Variants in CD96 observed in about 807,000 individuals in gnomAD.
CD96 encodes CD96 molecule.
CD96 carries 70 observed loss-of-function variants against 71.3 expected under a neutral mutation model. That is an observed-to-expected ratio of 0.98 (90% CI 0.81 to 1.20). CD96 has a LOEUF of 1.20. Ranked by LOEUF, CD96 falls within the 50% of genes most tolerant of loss-of-function variation. CD96 has a pLI of 0.00. For missense variants in CD96, 742 were observed against 677.5 expected (o/e 1.10, Z -1.06); for synonymous variants, 248 against 233.0 (o/e 1.06, Z -0.59).
chr3:111,653,577 T>C (rs1479618398), downstream of CD96, among the ~76,000 whole-genome samples: 2 of 152,200 alleles, frequency 1.3e-5, no homozygotes, highest in Non-Finnish European at 2.9e-5. Context: ...GTTTTAGAGG[T>C]CGTTTTACAA....
chr3:111,599,022 G>GC (rs1937377889), intron 6 of CD96, among the ~76,000 whole-genome samples: 1 of 152,090 alleles, frequency 6.6e-6, no homozygotes, highest in Non-Finnish European at 1.5e-5. Flanking sequence ...AAGCTGGAGT[G>GC]CAGTGGGGCG....
chr3:111,605,583 A>G (rs1937599800), intron 7 of CD96, among the ~76,000 whole-genome samples: 3 of 152,210 alleles, frequency 2.0e-5, no homozygotes. Flanking sequence ...TATACTTCCC[A>G]TATAACCGTC....
chr3:111,611,585 G>C (rs1937939953), intron 8 of CD96, among the ~76,000 whole-genome samples: 1 of 152,184 alleles, frequency 6.6e-6, no homozygotes, highest in African/African-American at 2.4e-5. Flanking sequence ...TGCCTCAATT[G>C]CTGTCCAATA....
intron 7 of CD96, among the ~76,000 whole-genome samples, chr3:111,601,618 G>T (rs1334378071): frequency 6.6e-6 from 1 of 152,092 alleles, no homozygotes; most frequent in Non-Finnish European, 1.5e-5. Flanking sequence ...AGAAGCAATG[G>T]CAACTGTCAG....
intron 10 of CD96, among the ~76,000 whole-genome samples, chr3:111,636,702 T>A (rs946337947): frequency 3.9e-5 from 6 of 152,350 alleles, no homozygotes; most frequent in Middle Eastern, 3.4e-3. Context: ...AGGGGTCTGA[T>A]AATTCACTGC....
intron 14 of CD96, among the ~76,000 whole-genome samples, chr3:111,657,643 G>A (rs772548248): frequency 5.3e-5 from 8 of 151,988 alleles, no homozygotes; most frequent in Non-Finnish European, 1.2e-4. Context: ...GTTGTCATTG[G>A]GTGCCCAGGT....
At chr3:111,638,010 C>A in intron 11 of CD96, 69 bp from the exon 12 acceptor site, 1 of 855,170 alleles carries the variant, frequency 1.2e-6, no homozygotes. Flanking sequence ...CATATGAAAC[C>A]CAATCATGGT....
chr3:111,641,578 T>C (rs923202547), intron 12 of CD96, among the ~76,000 whole-genome samples: 15 of 152,236 alleles, frequency 9.9e-5, no homozygotes, highest in African/African-American at 3.6e-4. Context: ...CTGACAACAC[T>C]AGACAGGTCA....
intron 8 of CD96, among the ~76,000 whole-genome samples, chr3:111,611,045 C>A (rs1937900396): frequency 6.6e-6 from 1 of 152,184 alleles, no homozygotes; most frequent in Non-Finnish European, 1.5e-5. Flanking sequence ...CTTGCCTTGC[C>A]TCCTGTTTTA....
In CD96 at chr3:111,663,972, G is replaced by T. The variant is rs556889252; in HGVS notation, c.*53-1555G>T. On this transcript the variant is annotated intron_variant and NMD_transcript_variant, in intron 14 of 14. Coordinates refer to the CD96 transcript ENST00000494798. ...TCACCATGTTAGCCAGGATGCTCTC[G>T]ATCTCCTGACCTCGTGATCTTCCTG... 5.3e-5 allele frequency among the ~76,000 whole-genome samples: 8 copies of T among 152,140 alleles called. No individual in the cohort carries two copies. In the South Asian group the frequency reaches 1.7e-3, roughly 32 times the overall value.
intron 3 of CD96, chr3:111,571,000 G>A (rs1046203946): frequency 6.8e-7 from 1 of 1,461,150 alleles, no homozygotes; most frequent in African/African-American, 1.4e-5. Context: ...GGCATCTCCT[G>A]CTCCTCCAGC....
At chr3:111,613,324 G>A (rs1235324603) in intron 8 of CD96, among the ~76,000 whole-genome samples, 1 of 152,164 alleles carries the variant, frequency 6.6e-6, no homozygotes, top group Non-Finnish European at 1.5e-5. Context: ...AGGGAGTCCT[G>A]AAACCCTTTC....
chr3:111,616,280 AT>A (rs1297227763), intron 8 of CD96, among the ~76,000 whole-genome samples: 4 of 152,206 alleles, frequency 2.6e-5, no homozygotes, highest in African/African-American at 7.2e-5. Flanking sequence ...TTCAGTAAAT[AT>A]TTTTTAAATG....
intron 5 of CD96, among the ~76,000 whole-genome samples, chr3:111,587,753 C>T (rs1936783524): frequency 6.6e-6 from 1 of 152,186 alleles, no homozygotes; most frequent in East Asian, 1.9e-4. Context: ...GACTTCTGTG[C>T]ACCTACAGGC....
intron 8 of CD96, among the ~76,000 whole-genome samples, chr3:111,611,833 A>G (rs1028814191): frequency 6.6e-6 from 1 of 152,070 alleles, no homozygotes; most frequent in African/African-American, 2.4e-5. Context: ...TTGTTGGGAG[A>G]GGGCTAAGGG....
chr3:111,590,247 A>G (rs1418631627), intron 5 of CD96, among the ~76,000 whole-genome samples: 2 of 152,260 alleles, frequency 1.3e-5, no homozygotes, highest in African/African-American at 4.8e-5. Context: ...CAATGGCTCC[A>G]ACTTCACAAG....
intron 13 of CD96, among the ~76,000 whole-genome samples, chr3:111,647,906 A>G (rs1939908524): frequency 1.3e-5 from 2 of 152,166 alleles, no homozygotes; most frequent in Admixed American, 6.6e-5. Context: ...TTCGTCAGAT[A>G]GAGCAAGTCC....
chr3:111,583,722 C>T (rs1444014066), intron 4 of CD96, among the ~76,000 whole-genome samples: 2 of 152,326 alleles, frequency 1.3e-5, no homozygotes, highest in Admixed American at 1.3e-4. Flanking sequence ...CACGTTGGCC[C>T]CTTTCAGCCA....
At chr3:111,590,444 G>A (rs183530779) in intron 5 of CD96, among the ~76,000 whole-genome samples, 1 of 152,318 alleles carries the variant, frequency 6.6e-6, no homozygotes, top group East Asian at 1.9e-4. Context: ...ATACTCTGGG[G>A]ACTTGGTCAG....
Sources: allele counts gnomAD v4.1 joint callset (sites outside exome capture counted in the v4.1 genomes callset), GRCh38; gene constraint gnomAD v4.1.1; transcripts MANE v1.5; gene names NCBI Gene and HGNC (gene_info 2026-07-23, HGNC 2026-07-21).